Variants in NRXN2 observed in about 807,000 individuals in gnomAD.
NRXN2 encodes neurexin-2-beta.
NRXN2 carries 29 observed loss-of-function variants against 128.8 expected under a neutral mutation model. The ratio of observed to expected loss-of-function variants is 0.23; its 90% CI spans 0.17 to 0.31. The LOEUF is 0.31. Among genes scored for constraint, NRXN2 ranks in the 10% least tolerant of loss-of-function variants. The pLI is 1.00. For synonymous variants in NRXN2, 1,098 were observed against 1,075.2 expected (o/e 1.02, Z -0.41); for missense variants, 1,881 against 2,452.6 (o/e 0.77, Z 4.92).
chr11:64,639,198 G>A (rs1000079469), intron 17 of NRXN2, among the ~76,000 whole-genome samples: 1 of 152,166 alleles, frequency 6.6e-6, no homozygotes, highest in Non-Finnish European at 1.5e-5. Context: ...GCCCACACCA[G>A]CGCTTTGTAC....
chr11:64,694,355 A>G (rs1440851363), intron 3 of NRXN2, among the ~76,000 whole-genome samples: 1 of 152,224 alleles, frequency 6.6e-6, no homozygotes, highest in African/African-American at 2.4e-5. Flanking sequence ...TAGCAAGGTT[A>G]AAGAGTTACA....
At chr11:64,692,709 C>T (rs1269708316) in intron 4 of NRXN2, 138 bp downstream of exon 4, 5 of 748,600 alleles carry the variant, frequency 6.7e-6, no homozygotes, top group Admixed American at 2.0e-5. Context: ...GCAAAGGAAG[C>T]GGGTAGGAAA....
intron 9 of NRXN2, among the ~76,000 whole-genome samples, chr11:64,663,834 C>T (rs2049395101): frequency 6.6e-6 from 1 of 152,188 alleles, no homozygotes; most frequent in African/African-American, 2.4e-5. Context: ...ACGTGTATAT[C>T]CAGGCAATGG....
chr11:64,610,727 G>A (rs1411895442), intron 22 of NRXN2, among the ~76,000 whole-genome samples: 3 of 152,140 alleles, frequency 2.0e-5, no homozygotes, highest in African/African-American at 7.2e-5. Flanking sequence ...TCCAGACAAG[G>A]AAAGCCAGCA....
intron 22 of NRXN2, 29 bp downstream of exon 22, chr11:64,620,265 G>C: frequency 6.5e-7 from 1 of 1,527,344 alleles, no homozygotes; most frequent in Non-Finnish European, 8.9e-7. Context: ...AGAGGGACCC[G>C]GGGCAGGGGA....
At chr11:64,612,223 A>AAAGACTCCTCC (rs2040776613) in intron 22 of NRXN2, among the ~76,000 whole-genome samples, 1 of 152,010 alleles carries the variant, frequency 6.6e-6, no homozygotes, top group South Asian at 2.1e-4. Context: ...CGGGCTCCTC[A>AAAGACTCCTCC]AAGACTCCTC....
intron 19 of NRXN2, among the ~76,000 whole-genome samples, chr11:64,629,206 T>C (rs1591605477): frequency 6.6e-6 from 1 of 152,204 alleles, no homozygotes; most frequent in Non-Finnish European, 1.5e-5. Flanking sequence ...GGGAGAGTGA[T>C]GGAGGTCGCA....
chr11:64,690,285 C>G lies in NRXN2; in HGVS notation c.850+120G>C. The stretch of plus-strand genomic sequence containing the variant: ...CTCGGGGAGCAGACCCATCACTTCC[C>G]ACAGGCCTCAGAGAGGACAAGGGGA... On this transcript the variant is annotated intron_variant, in intron 5 of 22. Transcript: ENST00000265459. 3.3e-6 allele frequency: 3 copies of G among 897,614 alleles called. No homozygotes were observed. The South Asian group carries it at 4.5e-5, about 13-fold the overall frequency. 55.6% of individuals were successfully genotyped at this position (897,614 alleles called of 1,614,324 possible). A position where few individuals can be genotyped will look rare whatever the true frequency, so the allele number is the denominator to read the frequency against.
chr11:64,647,315 GGAAGAT>G (rs1279579044), intron 17 of NRXN2, among the ~76,000 whole-genome samples: 1 of 151,630 alleles, frequency 6.6e-6, no homozygotes, highest in African/African-American at 2.4e-5. Context: ...AGGACCCCAG[GGAAGAT>G]GATTCAAGCA....
chr11:64,633,790 C>T (rs549224500), intron 18 of NRXN2, among the ~76,000 whole-genome samples: 13 of 152,276 alleles, frequency 8.5e-5, no homozygotes, highest in Middle Eastern at 3.4e-3. Context: ...CACTGTCTTT[C>T]GCTTGCCAGC....
At position 64,692,828 on chromosome 11, in the gene NRXN2, C is replaced by T; in HGVS notation, c.778+19G>A. ...TGGGGGCAATCCAATCCAAACCAAA[C>T]CAAAACTTCAAACCATACCTTCGCT... On this transcript the variant is annotated intron_variant, in intron 4 of 22. Coordinates refer to ENST00000265459, the MANE Select transcript of NRXN2 (RefSeq NM_015080.4). 1.2e-6 allele frequency: 2 copies of T among 1,613,534 alleles called. No individual in the cohort carries two copies. The highest frequency in any genetic ancestry group is 1.7e-6 in the Non-Finnish European group (2 of 1,179,882).
At position 64,607,348 on chromosome 11, in the gene NRXN2, G is replaced by A. The variant is rs755501770; in HGVS notation, c.4987C>T (p.Arg1663Cys). Residue 1663 changes from arginine (R) to cysteine (C), a missense_variant, in exon 23 of 23, where the codon CGT (arginine) becomes TGT (cysteine). Arg to Cys is a radical substitution (Grantham distance 180). Coordinates refer to ENST00000265459, the MANE Select transcript of NRXN2 (RefSeq NM_015080.4). ...TCCACCTGGTAGGAGCCCTCATCAC[G>A]ATTGCGGTACTTATACATGGCGTAG... ...LLYAMYKYRN[R>C]DEGSYQVDQS... is the part of the protein sequence containing the mutation. 1.6e-5 allele frequency: 26 copies of A among 1,613,836 alleles called. No individual in the cohort carries two copies. The highest frequency in any genetic ancestry group is 3.4e-6 in the Non-Finnish European group (4 of 1,179,976).
intron 8 of NRXN2, among the ~76,000 whole-genome samples, chr11:64,668,009 A>G (rs563657680): frequency 1.3e-5 from 2 of 152,272 alleles, no homozygotes; most frequent in Admixed American, 6.5e-5. Context: ...TTTCCACTCA[A>G]TGAAGTATGT....
chr11:64,653,237 C>A (rs1289227621), intron 12 of NRXN2, among the ~76,000 whole-genome samples: 1 of 152,110 alleles, frequency 6.6e-6, no homozygotes, highest in Non-Finnish European at 1.5e-5. Context: ...GGCTCCCTTC[C>A]CACCCTCATC....
chr11:64,633,099 G>A (rs1227490243), intron 18 of NRXN2, among the ~76,000 whole-genome samples: 1 of 152,112 alleles, frequency 6.6e-6, no homozygotes, highest in Admixed American at 6.5e-5. Flanking sequence ...GCAGACCCCC[G>A]TCTTCCCTGC....
intron 7 of NRXN2, among the ~76,000 whole-genome samples, chr11:64,672,557 C>T (rs2050771213): frequency 6.6e-6 from 1 of 152,118 alleles, no homozygotes; most frequent in African/African-American, 2.4e-5. Context: ...ATATTGTGTG[C>T]AAAACTGCCT....
In NRXN2 at chr11:64,713,173, C is replaced by G; in HGVS notation, c.527G>C (p.Arg176Pro). The G allele has an allele frequency of 6.8e-7, 1 of 1,462,842 alleles. No homozygotes were observed. The highest frequency in any genetic ancestry group is 9.0e-7 in the Non-Finnish European group (1 of 1,110,606). 90.6% of individuals were successfully genotyped at this position (1,462,842 alleles called of 1,614,324 possible). ...CAGCTTCAGGTTGGCCAAGAGGCCG[C>G]GGAAGGGCGGCTCGTACTTGACGGT... Reference protein sequence around the residue: ...LSTVKYEPPFRGLLANLKLGE... With the variant: ...LSTVKYEPPFPGLLANLKLGE... The change falls in exon 2 of 23, where the codon CGC becomes CCC. Residue 176 changes from arginine (R) to proline (P), a missense_variant. Arg to Pro is a moderately radical substitution (Grantham distance 103). This residue lies in a region of NRXN2 where 997 missense variants were observed against 1,240.8 expected (regional missense o/e 0.80). Transcript: ENST00000265459.
At chr11:64,637,932 G>C (rs2135399807) in intron 17 of NRXN2, among the ~76,000 whole-genome samples, 1 of 152,322 alleles carries the variant, frequency 6.6e-6, no homozygotes, top group South Asian at 2.1e-4. Context: ...GGAGGGATCA[G>C]AGGCGGTGCC....
At chr11:64,643,206 G>C (rs1385251689) in intron 17 of NRXN2, 1 of 979,084 alleles carries the variant, frequency 1.0e-6, no homozygotes, top group African/African-American at 1.8e-5. Flanking sequence ...CGGAAAAACC[G>C]AGCTGGGGAG....
Sources: gnomAD v4.1 joint callset for allele counts (sites outside exome capture counted in the v4.1 genomes callset) on GRCh38, gnomAD v4.1.1 for gene constraint, gnomAD v4.1.1 regional missense constraint, MANE v1.5 for transcripts, NCBI Gene and HGNC (gene_info 2026-07-23, HGNC 2026-07-21) for gene names.